SLC9A3: variants seen among roughly 807,000 people sequenced by gnomAD.
SLC9A3 encodes the protein solute carrier family 9 member A3, also known as sodium/hydrogen exchanger 3.
In SLC9A3, 37 loss-of-function variants were observed where a neutral mutation model predicts 86.8. The ratio of observed to expected loss-of-function variants is 0.43; its 90% CI spans 0.33 to 0.56. The LOEUF is 0.56. SLC9A3 is among the 20% of genes least tolerant of loss of function. The probability of loss-of-function intolerance (pLI) is 0.06; values close to 1 mark genes in which losing one functional copy is unlikely to be tolerated. For missense variants in SLC9A3, 1,011 were observed against 1,171.9 expected, an observed-to-expected ratio of 0.86 and a Z score of 2.00; for synonymous variants, 581 against 528.3, an observed-to-expected ratio of 1.10 and a Z score of -1.37.
Position 479,418 on chromosome 5 carries a change from G to A in SLC9A3, c.1647+418C>T, listed in dbSNP as rs138289788. 3.6e-3 allele frequency: 711 copies of A among 196,092 alleles called. 4 individuals carry two copies. Among genetic ancestry groups the A allele is most frequent in the South Asian group, 0.011 (141 of 13,202 alleles). 12.1% of individuals were successfully genotyped at this position (196,092 alleles called of 1,614,324 possible). ...CTGGAGCAGCCTCAGAGCCATGGCCGGCCCACAGCGGGAGACGGCCCTGCT... is the reference window on the plus strand; with the variant it reads ...CTGGAGCAGCCTCAGAGCCATGGCCAGCCCACAGCGGGAGACGGCCCTGCT... On this transcript the variant is annotated intron_variant, in intron 10 of 16. Transcript: ENST00000264938.
At position 476,058 on chromosome 5, in the gene SLC9A3, A is replaced by C; in HGVS notation, c.2102T>G (p.Met701Arg). 6.2e-7 allele frequency: 1 copy of C among 1,613,272 alleles called. No individual in the cohort carries two copies. The highest frequency in any genetic ancestry group is 1.1e-5 in the South Asian group (1 of 91,026). The change falls in exon 14 of 17, where the codon ATG (methionine) becomes AGG (arginine). Residue 701 changes from methionine (M) to arginine (R), a missense_variant. Transcript: ENST00000264938. ...NSSIPNGKLPMESPAQNFTIK... is the reference protein window; with the variant it reads ...NSSIPNGKLPRESPAQNFTIK... ...GGTGAAATTCTGCGCAGGGCTCTCC[A>C]TGGGCAGCTTCCCATTGGGGATGCT... is the stretch of plus-strand genomic sequence containing the variant.
At chr5:492,618 C>T (rs552154881) in intron 1 of SLC9A3, among the ~76,000 whole-genome samples, 78 of 150,870 alleles carry the variant, frequency 5.2e-4, no homozygotes, top group Middle Eastern at 3.4e-3. Context: ...AGGAGGGAGC[C>T]GGTGCTATGG....
intron 2 of SLC9A3, among the ~76,000 whole-genome samples, chr5:490,446 A>G (rs1437340872): frequency 6.6e-6 from 1 of 152,190 alleles, no homozygotes; most frequent in Non-Finnish European, 1.5e-5. Context: ...AGTTGCACCG[A>G]GGACATTCTG....
intron 1 of SLC9A3, among the ~76,000 whole-genome samples, chr5:499,642 G>A (rs759037871): frequency 6.6e-6 from 1 of 152,232 alleles, no homozygotes; most frequent in Non-Finnish European, 1.5e-5. Flanking sequence ...ACACCGCCCA[G>A]TGCCTGATGC....
rs1393384256 is a variant in SLC9A3, at chr5:491,916, T to TG, written c.366dup (p.Ile123HisfsTer79). On this transcript the variant is annotated frameshift_variant, in exon 2 of 17. Transcript: ENST00000264938. LOFTEE classifies it high-confidence loss of function. This position sits in a 1 kb window ranked among gnomAD's most constrained non-coding sequence, Gnocchi z 9.2. ...ATGAAGTAGCCGGCGTCCAGCACGA[T>TG]GGGGGGCAGCAGGTAGAAGAAGAAG... 6.2e-7 allele frequency: 1 copy of TG among 1,611,204 alleles called. No individual in the cohort carries two copies. Among genetic ancestry groups the TG allele is most frequent in the Non-Finnish European group, 8.5e-7 (1 of 1,179,444 alleles).
intron 1 of SLC9A3, among the ~76,000 whole-genome samples, chr5:506,208 C>T (rs1057439969): frequency 5.9e-5 from 9 of 152,092 alleles, no homozygotes; most frequent in African/African-American, 2.2e-4. Context: ...CGAGCTTTGC[C>T]CGGACGCAGC....
chr5:502,901 G>A (rs1489329129), intron 1 of SLC9A3, among the ~76,000 whole-genome samples: 2 of 133,734 alleles, frequency 1.5e-5, no homozygotes, highest in South Asian at 2.5e-4. Context: ...CAGTGAGGCC[G>A]AAAGCCGCCG....
At chr5:510,739 G>T (rs1252079859) in intron 1 of SLC9A3, among the ~76,000 whole-genome samples, 1 of 152,188 alleles carries the variant, frequency 6.6e-6, no homozygotes, top group Non-Finnish European at 1.5e-5. Context: ...GCTGCCTGGG[G>T]AATCCTGCGG....
rs1280249675 is a variant in SLC9A3 at position 472,344 on chromosome 5, G to T, written c.*1035C>A. ...TGGAGGGCCTGAGCCTGGTAGGGGG[G>T]CGGTGCCCTGGGCCCCTCCATGCCC... On this transcript the variant is annotated 3_prime_UTR_variant, in exon 17 of 17. Coordinates refer to ENST00000264938, the MANE Select transcript of SLC9A3 (RefSeq NM_004174.4). The T allele has an allele frequency of 3.0e-6, 1 of 335,434 alleles. No homozygotes were observed. The highest frequency in any genetic ancestry group is 5.8e-6 in the Non-Finnish European group (1 of 172,066). 20.8% of individuals were successfully genotyped at this position (335,434 alleles called of 1,614,324 possible).
chr5:523,161 G>C (rs1034627786), intron 1 of SLC9A3, among the ~76,000 whole-genome samples: 1 of 152,182 alleles, frequency 6.6e-6, no homozygotes, highest in African/African-American at 2.4e-5. Context: ...GGCGGCAGGC[G>C]TCACTGAAGG....
At position 491,267 on chromosome 5, in the gene SLC9A3, G is replaced by A. The variant is rs904232844; in HGVS notation, c.514+502C>T. ...TGGCATGTTGAGAGGCGCCAGCCACGCGTGGTCTGGGTCCGGGGCGGGAGG... is the reference window on the plus strand; with the variant it reads ...TGGCATGTTGAGAGGCGCCAGCCACACGTGGTCTGGGTCCGGGGCGGGAGG... On this transcript the variant is annotated intron_variant, in intron 2 of 16. Transcript: ENST00000264938. The surrounding 1 kb of genome is among the most constrained non-coding windows in gnomAD (Gnocchi z 9.2). 3.3e-5 allele frequency among the ~76,000 whole-genome samples: 5 copies of A among 152,326 alleles called. No homozygotes were observed. The South Asian group carries it at 6.2e-4, about 19-fold the overall frequency.
At position 476,247 on chromosome 5, in the gene SLC9A3, G is replaced by T. The variant is rs774509219; in HGVS notation, c.2022C>A (p.Asn674Lys). 1.2e-6 allele frequency: 2 copies of T among 1,613,966 alleles called. No individual in the cohort carries two copies. The highest frequency in any genetic ancestry group is 1.7e-5 in the Admixed American group (1 of 60,024). Residue 674 changes from asparagine to lysine, a missense_variant, in exon 13 of 17, where the codon AAC becomes AAA. This residue lies in a region of SLC9A3 where 397 missense variants were observed against 346.3 expected (regional missense o/e 1.15). Transcript: ENST00000264938. ...FKSTKLGLNQ[N>K]KKAAKLYKRE... ...GCTTGTACAGCTTGGCCGCCTTCTT[G>T]TTCTGGTTGAGCCCCAGCTTGGTCG... is the stretch of plus-strand genomic sequence containing the variant.
At chr5:475,991 C>T (rs1336282448) in intron 14 of SLC9A3, 29 bp downstream of exon 14, 5 of 1,577,368 alleles carry the variant, frequency 3.2e-6, no homozygotes, top group Admixed American at 3.5e-5. Flanking sequence ...GCTCCCAGTC[C>T]CAGCGTTCCT....
intron 1 of SLC9A3, among the ~76,000 whole-genome samples, chr5:499,768 G>C (rs76867329): frequency 0.021 from 3,224 of 152,312 alleles, 55 homozygotes; most frequent in Non-Finnish European, 0.033. Context: ...ATAATGCCAA[G>C]GTGGCTCCTA....
chr5:479,768 C>CG, intron 10 of SLC9A3, 68 bp downstream of exon 10: 1 of 1,573,912 alleles, frequency 6.4e-7, no homozygotes, highest in Non-Finnish European at 8.7e-7. Context: ...CTCACTGCCC[C>CG]ATGGCACCCA....
Position 475,023 on chromosome 5 carries a change from G to A in SLC9A3, c.2361C>T (p.Ala787=), listed in dbSNP as rs769325808. 5.0e-6 allele frequency: 8 copies of A among 1,612,310 alleles called. No individual in the cohort carries two copies. Among genetic ancestry groups the A allele is most frequent in the South Asian group, 1.1e-5 (1 of 91,068 alleles). ...PGETVVPSQR[A]RTQIPYSPGT... is the part of the protein sequence containing the mutation. ...CGGGAGAGTAGGGAATCTGCGTGCG[G>A]GCCCTCTGCGAGGGGACCACCGTCT... The change falls in exon 16 of 17, where the codon GCC becomes GCT. Residue 787 remains alanine (A), a synonymous_variant. Coordinates refer to ENST00000264938, the MANE Select transcript of SLC9A3 (RefSeq NM_004174.4).
intron 1 of SLC9A3, among the ~76,000 whole-genome samples, chr5:518,376 G>A (rs73730850): frequency 0.18 from 27,079 of 151,248 alleles, 2,619 homozygotes; most frequent in African/African-American, 0.22. Context: ...GGCACTTCGC[G>A]ACCGGGCACC....
At chr5:480,720 T>C (rs1351268633) in intron 9 of SLC9A3, 1 of 152,264 alleles carries the variant, frequency 6.6e-6, no homozygotes, top group Admixed American at 6.5e-5. Context: ...GAACCGCAGC[T>C]GAGCTTTATG....
At chr5:493,515 G>T (rs7721583) in intron 1 of SLC9A3, among the ~76,000 whole-genome samples, 68,188 of 152,162 alleles carry the variant, frequency 0.45, 16,239 homozygotes, top group Middle Eastern at 0.55. Flanking sequence ...TGGCCCAGAG[G>T]AGGGAGGTGC....
Sources: allele counts gnomAD v4.1 joint callset (sites outside exome capture counted in the v4.1 genomes callset), GRCh38; gene constraint gnomAD v4.1.1; regional missense constraint gnomAD v4.1.1; non-coding constraint Gnocchi (gnomAD v3.1); transcripts MANE v1.5; gene names NCBI Gene and HGNC (gene_info 2026-07-23, HGNC 2026-07-21).